Variants in SLC30A2 observed in about 807,000 individuals in gnomAD.
SLC30A2 encodes solute carrier family 30 member 2.
In SLC30A2, 19 loss-of-function variants were observed where a neutral mutation model predicts 39.6. That is an observed-to-expected ratio of 0.48 (90% CI 0.34 to 0.70). The LOEUF (loss-of-function observed/expected upper bound fraction) is 0.70. Among genes scored for constraint, SLC30A2 ranks in the 30% least tolerant of loss-of-function variants. The pLI is 0.01. For missense variants in SLC30A2, 387 were observed against 479.4 expected, an observed-to-expected ratio of 0.81 and a Z score of 1.80; for synonymous variants, 195 against 194.8, an observed-to-expected ratio of 1.00 and a Z score of -0.01.
In SLC30A2 at chr1:26,045,209, G is replaced by T; in HGVS notation, c.59C>A (p.Thr20Lys). ...AGCCCCTTCCTGCCACAGAGATCCC[G>T]TGTATGACCTGGCCAGAGGGGAAGA... ...LDARPAIRSY[T>K]GSLWQEGAGW... The change falls in exon 2 of 8, where the codon ACG becomes AAG. Residue 20 changes from threonine to lysine, a missense_variant. By Grantham distance (78) the Thr-to-Lys change is moderately conservative. Transcript: ENST00000374276. 1 of 1,611,048 alleles carries T rather than the reference G, an allele frequency of 6.2e-7. No individual in the cohort carries two copies.
chr1:26,044,001 G>A (rs1449108512), intron 3 of SLC30A2, among the ~76,000 whole-genome samples: 1 of 152,146 alleles, frequency 6.6e-6, no homozygotes, highest in Non-Finnish European at 1.5e-5. Flanking sequence ...GTTATGTGCA[G>A]TGTTAATGCC....
In SLC30A2 at chr1:26,045,936, C is replaced by A. The variant is rs760363957; in HGVS notation, c.-40G>T. The A allele has an allele frequency of 3.7e-6, 6 of 1,603,766 alleles. No individual in the cohort carries two copies. Among genetic ancestry groups the A allele is most frequent in the African/African-American group, 1.3e-5 (1 of 74,730 alleles). ...AGTCCCGGCAGCCGCGCAGCCGCCCCGCCGAGTGCGCCCTGAAAGTTGCGC... is the reference window on the plus strand; with the variant it reads ...AGTCCCGGCAGCCGCGCAGCCGCCCAGCCGAGTGCGCCCTGAAAGTTGCGC... On this transcript the variant is annotated 5_prime_UTR_variant, in exon 1 of 8. Coordinates refer to ENST00000374276, the MANE Select transcript of SLC30A2 (RefSeq NM_001004434.3).
At position 26,039,710 on chromosome 1, in the gene SLC30A2, G is replaced by A. The variant is rs1036115732; in HGVS notation, c.973+67C>T. On this transcript the variant is annotated intron_variant, in intron 7 of 7. Transcript: ENST00000374276. The surrounding 1 kb of genome is among the most constrained non-coding windows in gnomAD (Gnocchi z 4.3). ...TGAGCATCTGGGGTCACCTGGACCCGTTGGGGATGGCACTAGGCCTTTGGC... is the reference window on the plus strand; with the variant it reads ...TGAGCATCTGGGGTCACCTGGACCCATTGGGGATGGCACTAGGCCTTTGGC... 199 of 1,549,362 alleles carry A rather than the reference G, an allele frequency of 1.3e-4. No individual in the cohort carries two copies. The highest frequency in any genetic ancestry group is 1.8e-4 in the Middle Eastern group (1 of 5,662).
chr1:26,041,037 C>T (rs11247850), intron 6 of SLC30A2, among the ~76,000 whole-genome samples: 4 of 151,510 alleles, frequency 2.6e-5, no homozygotes, highest in South Asian at 2.1e-4. Flanking sequence ...GTCAAGGCTG[C>T]GGTGAGCCTT....
At position 26,044,270 on chromosome 1, in the gene SLC30A2, C is replaced by G. The variant is rs184427165; in HGVS notation, c.418+28G>C. The G allele has an allele frequency of 3.9e-5, 63 of 1,612,600 alleles. No individual in the cohort carries two copies. In the East Asian group the frequency reaches 5.1e-4, roughly 13 times the overall value. On this transcript the variant is annotated intron_variant, in intron 3 of 7. Transcript: ENST00000374276. ...TTCTAACCCACCCTCTCTCTCAACC[C>G]CATCTCCAGCCAAACCGCGATCCTC... is the stretch of plus-strand genomic sequence containing the variant.
In SLC30A2 at chr1:26,042,565, T is replaced by C. The variant is rs770488198; in HGVS notation, c.716A>G (p.Tyr239Cys). 1.2e-6 allele frequency: 2 copies of C among 1,613,960 alleles called. No homozygotes were observed. Among genetic ancestry groups the C allele is most frequent in the Non-Finnish European group, 1.7e-6 (2 of 1,179,854 alleles). ...MQSMGVLVAA[Y>C]ILYFKPEYKY... ...AGCTCTGACCTTGAAGTATAAAATA[T>C]AGGCTGCCACTAGGACACCCATGCT... The change falls in exon 5 of 8, where the codon TAT becomes TGT. Residue 239 changes from tyrosine (Y) to cysteine (C), a missense_variant. Physicochemically the swap from Tyr to Cys is radical, Grantham distance 194 (BLOSUM62 -2). Coordinates refer to ENST00000374276, the MANE Select transcript of SLC30A2 (RefSeq NM_001004434.3).
At position 26,046,053 on chromosome 1, in the gene SLC30A2, C is replaced by G. The variant is rs890628825; in HGVS notation, c.-157G>C. On this transcript the variant is annotated 5_prime_UTR_variant, in exon 1 of 8. Coordinates refer to ENST00000374276, the MANE Select transcript of SLC30A2 (RefSeq NM_001004434.3). The surrounding 1 kb of genome is among the most constrained non-coding windows in gnomAD (Gnocchi z 4.4). ...GGCTCCTGCGGCCCCTGAGCTCCCCCGGCTCCCGCTGCGGCTGCAGCTCCG... is the reference window on the plus strand; with the variant it reads ...GGCTCCTGCGGCCCCTGAGCTCCCCGGGCTCCCGCTGCGGCTGCAGCTCCG... 7.5e-7 allele frequency: 1 copy of G among 1,336,724 alleles called. No homozygotes were observed. Among genetic ancestry groups the G allele is most frequent in the Non-Finnish European group, 9.5e-7 (1 of 1,051,250 alleles). 82.8% of individuals were successfully genotyped at this position (1,336,724 alleles called of 1,614,324 possible).
chr1:26,039,986 C>A lies in SLC30A2; in HGVS notation c.839-75G>T. The A allele has an allele frequency of 6.4e-7, 1 of 1,555,036 alleles. No individual in the cohort carries two copies. The highest frequency in any genetic ancestry group is 8.8e-7 in the Non-Finnish European group (1 of 1,133,026). ...CCTGCCCATTGGTGCAGGGCTGGCT[C>A]CTGATCCTCAGGTGTCATCCCCTCA... On this transcript the variant is annotated intron_variant, in intron 6 of 7. Coordinates refer to ENST00000374276, the MANE Select transcript of SLC30A2 (RefSeq NM_001004434.3). The surrounding 1 kb of genome is among the most constrained non-coding windows in gnomAD (Gnocchi z 4.3).
chr1:26,043,145 G>A (rs1320562395), intron 4 of SLC30A2, among the ~76,000 whole-genome samples: 1 of 152,202 alleles, frequency 6.6e-6, no homozygotes, highest in Non-Finnish European at 1.5e-5. Context: ...AAGCCACCAA[G>A]GCTAGTCCCT....
chr1:26,041,573 A>G (rs2124422633), intron 6 of SLC30A2, 127 bp downstream of exon 6: 2 of 639,652 alleles, frequency 3.1e-6, no homozygotes, highest in African/African-American at 1.8e-5. Flanking sequence ...TTTCCAGCCT[A>G]TGCCGGGGCT....
Position 26,043,425 on chromosome 1 carries a change from G to A in SLC30A2, c.545C>T (p.Ser182Leu), listed in dbSNP as rs1429634625. ...GATGTTCACAGCCACAGCGCAGCCC[G>A]ACGTGATCAGCATGGTCCCCCCGTC... ...EIDGGTMLIT[S>L]GCAVAVNIIM... The change falls in exon 4 of 8, where the codon TCG becomes TTG. Residue 182 changes from serine (S) to leucine (L), a missense_variant. Coordinates refer to ENST00000374276, the MANE Select transcript of SLC30A2 (RefSeq NM_001004434.3). 2 of 1,614,132 alleles carry A rather than the reference G, an allele frequency of 1.2e-6. No individual in the cohort carries two copies. The highest frequency in any genetic ancestry group is 1.7e-6 in the Non-Finnish European group (2 of 1,179,988).
intron 5 of SLC30A2, among the ~76,000 whole-genome samples, 180 bp downstream of exon 5, chr1:26,042,369 G>A (rs2050407277): frequency 6.6e-6 from 1 of 152,234 alleles, no homozygotes; most frequent in Non-Finnish European, 1.5e-5. Flanking sequence ...CCTTCAGGTT[G>A]TTGTGAGGAT....
At chr1:26,045,266 G>A (rs772122034) in intron 1 of SLC30A2, 49 bp from the exon 2 acceptor site, 1 of 1,470,288 alleles carries the variant, frequency 6.8e-7, no homozygotes, top group Admixed American at 1.7e-5. Context: ...ATGAGGTAAG[G>A]AGGGCCGACT....
chr1:26,039,419 A>C lies in SLC30A2; in HGVS notation c.974-114T>G. ...CAGAACAGGATGGGGGACCATGAACATGGAGAAGCCCCCAGATTCCATTCC... is the reference window on the plus strand; with the variant it reads ...CAGAACAGGATGGGGGACCATGAACCTGGAGAAGCCCCCAGATTCCATTCC... On this transcript the variant is annotated intron_variant, in intron 7 of 7. Coordinates refer to ENST00000374276, the MANE Select transcript of SLC30A2 (RefSeq NM_001004434.3). This position sits in a 1 kb window ranked among gnomAD's most constrained non-coding sequence, Gnocchi z 4.3. 6 of 787,100 alleles carry C rather than the reference A, an allele frequency of 7.6e-6. No homozygotes were observed. Among genetic ancestry groups the C allele is most frequent in the East Asian group, 2.6e-5 (1 of 38,982 alleles). The allele number at this position is 787,100 out of a possible 1,614,324, so 48.8% of individuals were successfully genotyped here.
rs2050371613 is a variant in SLC30A2, at chr1:26,039,199, G to A, written c.1080C>T (p.Asp360=). ...VTIQIEDYSE[D]MKDCQACQGP... ...CCTGGCATGCCTGACAGTCCTTCAT[G>A]TCCTCCGAGTAGTCCTCGATCTGGA... is the stretch of plus-strand genomic sequence containing the variant. The change falls in exon 8 of 8, where the codon GAC becomes GAT. Residue 360 remains aspartate (D), a synonymous_variant. Transcript: ENST00000374276. The surrounding 1 kb of genome is among the most constrained non-coding windows in gnomAD (Gnocchi z 4.3). The A allele has an allele frequency of 1.2e-6, 2 of 1,614,138 alleles. No homozygotes were observed. Among genetic ancestry groups the A allele is most frequent in the Non-Finnish European group, 1.7e-6 (2 of 1,179,968 alleles).
At chr1:26,041,165 T>G (rs1451653952) in intron 6 of SLC30A2, among the ~76,000 whole-genome samples, 1 of 152,078 alleles carries the variant, frequency 6.6e-6, no homozygotes, top group Non-Finnish European at 1.5e-5. Flanking sequence ...CACTGACCGT[T>G]CTCCAACCCC....
rs1360253463 is a variant in SLC30A2 at position 26,039,134 on chromosome 1, G to A, written c.*26C>T. On this transcript the variant is annotated 3_prime_UTR_variant, in exon 8 of 8. Coordinates refer to ENST00000374276, the MANE Select transcript of SLC30A2 (RefSeq NM_001004434.3). This position sits in a 1 kb window ranked among gnomAD's most constrained non-coding sequence, Gnocchi z 4.3. Reference sequence around the variant, plus strand: ...CCAGCCACCTGCAGGTCCTGTTCATGCCCCAGTTGGTGCCTGGCTGAGCAG... The same window carrying A: ...CCAGCCACCTGCAGGTCCTGTTCATACCCCAGTTGGTGCCTGGCTGAGCAG... 12 of 1,608,568 alleles carry A rather than the reference G, an allele frequency of 7.5e-6. No homozygotes were observed. The highest frequency in any genetic ancestry group is 1.7e-5 in the Admixed American group (1 of 59,866).
Position 26,038,917 on chromosome 1 carries a change from A to C in SLC30A2, c.*243T>G. 3 of 1,123,132 alleles carry C rather than the reference A, an allele frequency of 2.7e-6. No individual in the cohort carries two copies. The highest frequency in any genetic ancestry group is 2.3e-6 in the Non-Finnish European group (2 of 871,844). The allele number at this position is 1,123,132 out of a possible 1,614,324, so 69.6% of individuals were successfully genotyped here. On this transcript the variant is annotated 3_prime_UTR_variant, in exon 8 of 8. Coordinates refer to ENST00000374276, the MANE Select transcript of SLC30A2 (RefSeq NM_001004434.3). The stretch of plus-strand genomic sequence containing the variant: ...GATTAGGCCCAAATACAGCCCTTCC[A>C]GAGCTGGCCCAGGAGCTGGAAGAGC...
rs1281708087 is a variant in SLC30A2, at chr1:26,042,617, T to C, written c.664A>G (p.Ile222Val). 4.3e-6 allele frequency: 7 copies of C among 1,614,180 alleles called. No individual in the cohort carries two copies. Among genetic ancestry groups the C allele is most frequent in the Non-Finnish European group, 5.1e-6 (6 of 1,180,032 alleles). ...TGCATAAAGTCGCCGATCACATGGA[T>C]GAAGGCAGCTCGGACGCTGGGGTTC... The part of the protein sequence containing the change: ...EENPSVRAAF[I>V]HVIGDFMQSM... The change falls in exon 5 of 8, where the codon ATC (isoleucine) becomes GTC (valine). Residue 222 changes from isoleucine to valine, a missense_variant. Physicochemically the swap from Ile to Val is conservative, Grantham distance 29. Transcript: ENST00000374276.
Sources: allele counts gnomAD v4.1 joint callset (sites outside exome capture counted in the v4.1 genomes callset), GRCh38; gene constraint gnomAD v4.1.1; non-coding constraint Gnocchi (gnomAD v3.1); transcripts MANE v1.5; gene names NCBI Gene and HGNC (gene_info 2026-07-23, HGNC 2026-07-21).